Variants in TCF12 observed in about 807,000 individuals in gnomAD.
TCF12 encodes the protein DNA-binding protein HTF4.
Under a neutral mutation model 86.0 loss-of-function variants are expected in TCF12, and 45 were observed. That is an observed-to-expected ratio of 0.52 (90% CI 0.41 to 0.67). TCF12 has a LOEUF of 0.67. Ranked by LOEUF, TCF12 falls within the 30% of genes least tolerant of loss-of-function variation. The pLI is 0.00. For missense variants in TCF12, 881 were observed against 859.9 expected (o/e 1.02, Z -0.31); for synonymous variants, 330 against 299.6 (o/e 1.10, Z -1.05).
At chr15:57,183,632 C>T (rs1439292734) in intron 6 of TCF12, among the ~76,000 whole-genome samples, 9 of 151,906 alleles carry the variant, frequency 5.9e-5, no homozygotes, top group Admixed American at 2.0e-4. Flanking sequence ...AAATATCATT[C>T]GTCTCATTTA....
intron 4 of TCF12, among the ~76,000 whole-genome samples, chr15:57,081,233 C>G (rs1308715986): frequency 6.6e-6 from 1 of 152,168 alleles, no homozygotes; most frequent in South Asian, 2.1e-4. Context: ...TTTTGTATGG[C>G]TTCAGCCTGT....
chr15:57,070,454 T>A (rs1397002862), intron 4 of TCF12, among the ~76,000 whole-genome samples: 1 of 152,184 alleles, frequency 6.6e-6, no homozygotes, highest in African/African-American at 2.4e-5. Flanking sequence ...AGCCATAGAT[T>A]GGGGCCTTGG....
intron 16 of TCF12, among the ~76,000 whole-genome samples, chr15:57,260,616 TA>T (rs1393265804): frequency 2.0e-5 from 3 of 152,202 alleles, no homozygotes; most frequent in African/African-American, 7.2e-5. Context: ...TACTTTAACT[TA>T]CAATTATTTC....
At chr15:57,166,270 T>A (rs756841839) in intron 5 of TCF12, 132 bp from the exon 6 acceptor site, 15 of 697,300 alleles carry the variant, frequency 2.2e-5, no homozygotes, top group Non-Finnish European at 3.0e-5. Context: ...AATTATTGAA[T>A]TGTATCCTCT....
intron 16 of TCF12, among the ~76,000 whole-genome samples, chr15:57,259,751 T>TA (rs1396636185): frequency 1.3e-5 from 2 of 152,158 alleles, no homozygotes; most frequent in African/African-American, 4.8e-5. Context: ...GGTGAACAAT[T>TA]AAACCGAGTC....
chr15:56,955,333 T>C (rs764683852), intron 3 of TCF12, among the ~76,000 whole-genome samples: 3 of 151,472 alleles, frequency 2.0e-5, no homozygotes, highest in Non-Finnish European at 2.9e-5. Context: ...TTCTCACTCA[T>C]AGGTGGGAAT....
chr15:57,032,965 T>TA (rs1227067523), intron 3 of TCF12, among the ~76,000 whole-genome samples: 1 of 152,154 alleles, frequency 6.6e-6, no homozygotes, highest in African/African-American at 2.4e-5. Context: ...AATGTTACAC[T>TA]AAAGTATCAA....
At position 57,106,558 on chromosome 15, in the gene TCF12, C is replaced by T. The variant is rs114791551; in HGVS notation, c.325+14667C>T. ...AGAGGAAAAGAAACTTCACTGCATA[C>T]GCTTTTGTATTTTGTACCTTGTGCC... On this transcript the variant is annotated intron_variant, in intron 5 of 20. Transcript: ENST00000333725. 4.0e-3 allele frequency among the ~76,000 whole-genome samples: 607 copies of T among 152,272 alleles called. 4 individuals carry two copies. Among genetic ancestry groups the T allele is most frequent in the African/African-American group, 0.014 (586 of 41,542 alleles).
chr15:56,919,611 G>A (rs1419847106), intron 1 of TCF12: 1 of 250,358 alleles, frequency 4.0e-6, no homozygotes, highest in Non-Finnish European at 7.7e-6. Flanking sequence ...CGCCGAGGAG[G>A]TGGCAGAGAC....
At chr15:57,219,311 C>T (rs1354504524) in intron 8 of TCF12, 1 of 1,229,320 alleles carries the variant, frequency 8.1e-7, no homozygotes, top group Non-Finnish European at 1.0e-6. Flanking sequence ...AATGCAAGGA[C>T]TTGATGGAAA....
chr15:57,112,928 T>C (rs1394894770), intron 5 of TCF12, among the ~76,000 whole-genome samples: 2 of 152,204 alleles, frequency 1.3e-5, no homozygotes, highest in Non-Finnish European at 2.9e-5. Context: ...CCAAACTCAT[T>C]TAACTAAAAC....
intron 3 of TCF12, among the ~76,000 whole-genome samples, chr15:56,939,648 C>T (rs2060635744): frequency 6.6e-6 from 1 of 152,108 alleles, no homozygotes; most frequent in Non-Finnish European, 1.5e-5. Context: ...TGGTAACTGG[C>T]TATTTGATTT....
At position 56,920,582 on chromosome 15, in the gene TCF12, A is replaced by G. The variant is rs79588969; in HGVS notation, c.76-444A>G. Among the ~76,000 whole-genome samples, 730 of 151,796 alleles carry G rather than the reference A, an allele frequency of 4.8e-3. 6 individuals carry two copies. The highest frequency in any genetic ancestry group is 0.016 in the African/African-American group (672 of 41,378). On this transcript the variant is annotated intron_variant, in intron 2 of 20. Coordinates refer to ENST00000333725, the MANE Select transcript of TCF12 (RefSeq NM_207037.2). ...TAAGGGCCCACTGCTTTTATTTTTA[A>G]TGGGTTTAATTCCTTTATTAACTGC...
In TCF12 at chr15:56,998,634, G is replaced by A. The variant is rs2063844226; in HGVS notation, c.149-65116G>A. Among the ~76,000 whole-genome samples, 3 of 151,962 alleles carry A rather than the reference G, an allele frequency of 2.0e-5. No individual in the cohort carries two copies. The South Asian group carries it at 6.2e-4, about 32-fold the overall frequency. Reference sequence around the variant, plus strand: ...CTTTTCTTAGGAATAGATAGAACTAGTAGACAGAATCACCGGGGGTACAGA... The same window carrying A: ...CTTTTCTTAGGAATAGATAGAACTAATAGACAGAATCACCGGGGGTACAGA... On this transcript the variant is annotated intron_variant, in intron 3 of 20. Transcript: ENST00000333725.
intron 4 of TCF12, among the ~76,000 whole-genome samples, chr15:57,090,310 A>C (rs1483029114): frequency 1.3e-5 from 2 of 152,190 alleles, no homozygotes; most frequent in Non-Finnish European, 2.9e-5. Flanking sequence ...GGGTCTACTA[A>C]ATGTGGCTGT....
At position 57,253,410 on chromosome 15, in the gene TCF12, G is replaced by A. The variant is rs561487934; in HGVS notation, c.1409G>A (p.Ser470Asn). 23 of 1,613,942 alleles carry A rather than the reference G, an allele frequency of 1.4e-5. No homozygotes were observed. The highest frequency in any genetic ancestry group is 1.7e-5 in the Non-Finnish European group (20 of 1,179,986). The change falls in exon 16 of 21, where the codon AGC becomes AAC. Residue 470 changes from serine to asparagine, a missense_variant. Physicochemically the swap from Ser to Asn is conservative, Grantham distance 46. Coordinates refer to ENST00000333725, the MANE Select transcript of TCF12 (RefSeq NM_207037.2). The part of the protein sequence containing the change: ...LGPSHNAPIG[S>N]LNSNYGGSSL... ...CCATCCCATAATGCACCAATTGGAA[G>A]CCTCAATTCAAACTATGGAGGATCA...
At chr15:57,080,938 C>G (rs796333694) in intron 4 of TCF12, among the ~76,000 whole-genome samples, 2 of 152,120 alleles carry the variant, frequency 1.3e-5, no homozygotes, top group Non-Finnish European at 2.9e-5. Flanking sequence ...ACTACTGTAC[C>G]TATTCCCACC....
chr15:57,103,718 A>C (rs201398680), intron 5 of TCF12, among the ~76,000 whole-genome samples: 1 of 152,332 alleles, frequency 6.6e-6, no homozygotes, highest in East Asian at 1.9e-4. Flanking sequence ...TTAAGTTATA[A>C]TATGGTCATA....
At chr15:56,941,211 C>A (rs2060756487) in intron 3 of TCF12, among the ~76,000 whole-genome samples, 1 of 151,222 alleles carries the variant, frequency 6.6e-6, no homozygotes, top group Non-Finnish European at 1.5e-5. Flanking sequence ...CAAAAAAATA[C>A]AAAAATTAGC....
Sources: allele counts gnomAD v4.1 joint callset (sites outside exome capture counted in the v4.1 genomes callset), GRCh38; gene constraint gnomAD v4.1.1; transcripts MANE v1.5; gene names NCBI Gene and HGNC (gene_info 2026-07-23, HGNC 2026-07-21).